Variants in TMCO6 observed in about 807,000 individuals in gnomAD.
TMCO6 encodes the protein transmembrane and coiled-coil domain-containing protein 6.
A neutral mutation model predicts 61.8 loss-of-function variants in TMCO6; 47 were observed. That is an observed-to-expected ratio of 0.76 (90% CI 0.60 to 0.97). The LOEUF (loss-of-function observed/expected upper bound fraction) is 0.97, where lower values mean the gene tolerates loss of function less well. TMCO6 is among the 50% of genes least tolerant of loss of function. TMCO6 has a pLI of 0.00. For missense variants in TMCO6, 557 were observed against 601.6 expected (o/e 0.93, Z 0.78); for synonymous variants, 261 against 254.2 (o/e 1.03, Z -0.25).
At chr5:140,630,319 T>G in the TMCO6 span, among the ~76,000 whole-genome samples, 3 of 151,742 alleles carry the variant, frequency 2.0e-5, no homozygotes, top group African/African-American at 7.3e-5. Flanking sequence ...AAAAAAAATT[T>G]TTTTTTTTGC....
At position 140,644,157 on chromosome 5, in the gene TMCO6, T is replaced by TA. The variant is rs1237590397; in HGVS notation, c.1164dup (p.Gln389ThrfsTer7). ...TCCCTGGATCTGATTGAGCCTCTCT[T>TA]ACAGCTGTTGCCAGTATCTAACGTG... is the stretch of plus-strand genomic sequence containing the variant. On this transcript the variant is annotated frameshift_variant, in exon 10 of 12. Transcript: ENST00000394671. LOFTEE classifies it high-confidence loss of function. The TA allele has an allele frequency of 5.0e-6, 8 of 1,614,094 alleles. No individual in the cohort carries two copies. The highest frequency in any genetic ancestry group is 4.0e-5 in the African/African-American group (3 of 74,936).
upstream of TMCO6, among the ~76,000 whole-genome samples, chr5:140,637,198 A>T (rs1756789515): frequency 6.6e-6 from 1 of 152,104 alleles, no homozygotes; most frequent in Non-Finnish European, 1.5e-5. Context: ...TGACAAAGAG[A>T]AGGTCCCAGA....
chr5:140,639,549 C>A lies in TMCO6; in HGVS notation c.22C>A (p.Arg8Ser). The change falls in exon 1 of 12, where the codon CGC becomes AGC. Residue 8 changes from arginine (R) to serine (S), a missense_variant. Transcript: ENST00000394671. ...CACCATGTGGAGCCGACGGCAGGGC[C>A]GCCTCAGGCCCACGGTCTGCGGGGT... MWSRRQGRLRPTVCGVEE... is the reference protein window; with the variant it reads MWSRRQGSLRPTVCGVEE... 3 of 1,549,774 alleles carry A rather than the reference C, an allele frequency of 1.9e-6. No homozygotes were observed. The highest frequency in any genetic ancestry group is 8.7e-7 in the Non-Finnish European group (1 of 1,146,468).
At chr5:140,639,276 AAATC>A, upstream of TMCO6, 1 of 482,178 alleles carries the variant, frequency 2.1e-6, no homozygotes. Context: ...GTAAGACAGG[AAATC>A]AATCAGAGGC....
chr5:140,637,392 G>A (rs1252039906), upstream of TMCO6, among the ~76,000 whole-genome samples: 1 of 152,184 alleles, frequency 6.6e-6, no homozygotes, highest in African/African-American at 2.4e-5. Context: ...TGGGAATTCA[G>A]TTTTATGCAG....
At chr5:140,636,050 G>A (rs1049848747), upstream of TMCO6, among the ~76,000 whole-genome samples, 1 of 152,182 alleles carries the variant, frequency 6.6e-6, no homozygotes, top group African/African-American at 2.4e-5. Context: ...CCAGGCTGGA[G>A]TGCAATGATG....
chr5:140,643,539 G>A (rs1015537766), intron 7 of TMCO6, 25 bp from the exon 8 acceptor site: 2 of 1,600,616 alleles, frequency 1.2e-6, no homozygotes, highest in African/African-American at 2.7e-5. Flanking sequence ...ATATACCTAG[G>A]GACTGCTTGC....
At chr5:140,642,692 A>T (rs1428725587) in intron 6 of TMCO6, 21 bp downstream of exon 6, 12 of 1,613,498 alleles carry the variant, frequency 7.4e-6, no homozygotes, top group Non-Finnish European at 1.0e-5. Context: ...TTGTCTTTAG[A>T]TGTGCAGCCA....
the TMCO6 span, among the ~76,000 whole-genome samples, chr5:140,626,166 C>A: frequency 1.1e-4 from 17 of 152,224 alleles, no homozygotes; most frequent in South Asian, 1.4e-3. Flanking sequence ...AAGCTCTAGC[C>A]CCTATGGCTA....
chr5:140,646,670 C>T (rs551773932), downstream of TMCO6, among the ~76,000 whole-genome samples: 1 of 152,184 alleles, frequency 6.6e-6, no homozygotes, highest in South Asian at 2.1e-4. Flanking sequence ...ATTGCCATGC[C>T]AGTCTTAGAG....
chr5:140,626,212 A>T, the TMCO6 span, among the ~76,000 whole-genome samples: 3 of 145,268 alleles, frequency 2.1e-5, no homozygotes, highest in African/African-American at 7.7e-5. Context: ...GAGTGGCTCT[A>T]AGCAACCTAT....
intron 4 of TMCO6, 107 bp downstream of exon 4, chr5:140,642,160 T>TGCC: frequency 6.8e-7 from 1 of 1,471,662 alleles, no homozygotes; most frequent in South Asian, 1.3e-5. Context: ...TTTGCCCTTA[T>TGCC]GCCTACAGCC....
At chr5:140,611,809 TAC>T in the TMCO6 span, among the ~76,000 whole-genome samples, 1 of 152,220 alleles carries the variant, frequency 6.6e-6, no homozygotes, top group Admixed American at 6.5e-5. Flanking sequence ...AGACCTATCA[TAC>T]ACAATATCAT....
At chr5:140,606,093 C>T in the TMCO6 span, among the ~76,000 whole-genome samples, 1 of 141,146 alleles carries the variant, frequency 7.1e-6, no homozygotes, top group Non-Finnish European at 1.5e-5. Context: ...CCCCCTTCCC[C>T]CCCTTCTTTT....
In TMCO6 at chr5:140,642,017, C is replaced by A; in HGVS notation, c.462C>A (p.Leu154=). 6.2e-7 allele frequency: 1 copy of A among 1,612,124 alleles called. No homozygotes were observed. Among genetic ancestry groups the A allele is most frequent in the South Asian group, 1.1e-5 (1 of 91,048 alleles). Residue 154 remains leucine (L), a synonymous_variant, in exon 4 of 12, where the codon CTC becomes CTA. Transcript: ENST00000394671. ...AEACLPATSY[L]LTYLSSHSSD... The stretch of plus-strand genomic sequence containing the variant: ...CCTGCCTGCCAGCCACTTCTTACCT[C>A]CTCACCTACCTCTCCAGTCACAGCT...
rs534863567 is a variant in TMCO6, at chr5:140,640,419, T to TC, written c.198+568_198+569insC. Reference sequence around the variant, plus strand: ...CTATTTTTTTTCTTTTCTTTTCTTTTTTTTTTTTTGAGACTCTCGCTCTGT... The same window carrying TC: ...CTATTTTTTTTCTTTTCTTTTCTTTTCTTTTTTTTTGAGACTCTCGCTCTGT... On this transcript the variant is annotated intron_variant, in intron 2 of 11. Coordinates refer to ENST00000394671, the MANE Select transcript of TMCO6 (RefSeq NM_018502.5). Among the ~76,000 whole-genome samples, 445 of 151,808 alleles carry TC rather than the reference T, an allele frequency of 2.9e-3. 3 individuals are homozygous for TC. The highest frequency in any genetic ancestry group is 0.014 in the Middle Eastern group (4 of 294).
chr5:140,624,932 C>T, the TMCO6 span, among the ~76,000 whole-genome samples: 2 of 145,514 alleles, frequency 1.4e-5, no homozygotes, highest in Non-Finnish European at 3.0e-5. Context: ...TGGCTCACTG[C>T]AACCTCTGCC....
the TMCO6 span, among the ~76,000 whole-genome samples, chr5:140,600,812 A>C: frequency 6.6e-6 from 1 of 152,118 alleles, no homozygotes; most frequent in Non-Finnish European, 1.5e-5. Context: ...AGGGAGGGGA[A>C]ATGTTCCACG....
At chr5:140,638,549 C>T (rs893009445), upstream of TMCO6, among the ~76,000 whole-genome samples, 1 of 143,750 alleles carries the variant, frequency 7.0e-6, no homozygotes, top group South Asian at 2.2e-4. Flanking sequence ...TCCCAGATTT[C>T]TTTCTTTCTT....
Sources: gnomAD v4.1 joint callset for allele counts (sites outside exome capture counted in the v4.1 genomes callset) on GRCh38, gnomAD v4.1.1 for gene constraint, MANE v1.5 for transcripts, NCBI Gene and HGNC (gene_info 2026-07-23, HGNC 2026-07-21) for gene names.